Variants in CDH18 observed in about 807,000 individuals in gnomAD.
CDH18 encodes the protein cadherin 18, also known as cadherin-18.
A neutral mutation model predicts 67.9 loss-of-function variants in CDH18; 31 were observed. The observed-to-expected ratio is 0.46, with a 90% CI of 0.34 to 0.62. The LOEUF (loss-of-function observed/expected upper bound fraction) is 0.62, where lower values mean the gene tolerates loss of function less well. CDH18 is among the 20% of genes least tolerant of loss of function. The pLI is 0.01. For synonymous variants in CDH18, 362 were observed against 347.2 expected (o/e 1.04, Z -0.48); for missense variants, 890 against 975.5 (o/e 0.91, Z 1.17).
chr5:19,927,955 G>C (rs574236007), intron 2 of CDH18, among the ~76,000 whole-genome samples: 18 of 152,300 alleles, frequency 1.2e-4, no homozygotes, highest in African/African-American at 4.3e-4. Flanking sequence ...GCCTACAAGA[G>C]ATTCCATGTC....
intron 2 of CDH18, among the ~76,000 whole-genome samples, chr5:19,917,149 A>G (rs1791893427): frequency 6.6e-6 from 1 of 152,202 alleles, no homozygotes; most frequent in Non-Finnish European, 1.5e-5. Flanking sequence ...GAGAAAAGTG[A>G]TACATAGTGA....
At position 20,243,810 on chromosome 5, in the gene CDH18, T is replaced by C. The variant is rs77418068; in HGVS notation, c.-518+11634A>G. ...ATTGTAGCCTAGACTAGTGAAACTT[T>C]ATAATGGAAAGGCACTAGCTCAAGG... On this transcript the variant is annotated intron_variant, in intron 2 of 14. Coordinates refer to the CDH18 transcript ENST00000507958. Among the ~76,000 whole-genome samples, 2,915 of 152,242 alleles carry C rather than the reference T, an allele frequency of 0.019. 232 individuals carry two copies. The East Asian group carries it at 0.28, about 15-fold the overall frequency.
chr5:20,490,745 C>T (rs898972602), intron 1 of CDH18, among the ~76,000 whole-genome samples: 12 of 152,042 alleles, frequency 7.9e-5, no homozygotes, highest in African/African-American at 2.9e-4. Flanking sequence ...TTATTTTATT[C>T]TTTATGATGC....
chr5:20,107,076 A>G lies in CDH18; in HGVS notation c.-517-115062T>C, dbSNP rs527855451. On this transcript the variant is annotated intron_variant, in intron 2 of 14. Coordinates refer to the CDH18 transcript ENST00000507958. ...GTTAGAAAGCACTTAAGTTCCTTTT[A>G]TAACTTTCTTTTTTTTTTTTTTGAG... Among the ~76,000 whole-genome samples, 4 of 134,580 alleles carry G rather than the reference A, an allele frequency of 3.0e-5. No homozygotes were observed. The East Asian group carries it at 9.3e-4, about 31-fold the overall frequency. The allele number at this position is 134,580 out of a possible 152,430, so 88.3% of individuals were successfully genotyped here. A position where few individuals can be genotyped will look rare whatever the true frequency, so the allele number is the denominator to read the frequency against.
chr5:19,791,185 A>G (rs752833044), intron 3 of CDH18, among the ~76,000 whole-genome samples: 67 of 152,230 alleles, frequency 4.4e-4, no homozygotes, highest in Non-Finnish European at 8.5e-4. Flanking sequence ...TCGGCACCAG[A>G]GCACATCTAA....
At chr5:19,654,345 T>C (rs766906087) in intron 5 of CDH18, among the ~76,000 whole-genome samples, 3 of 152,206 alleles carry the variant, frequency 2.0e-5, no homozygotes, top group Non-Finnish European at 2.9e-5. Flanking sequence ...TATTTGAAAC[T>C]ACAATATGTT....
intron 2 of CDH18, among the ~76,000 whole-genome samples, chr5:19,915,352 A>G (rs1791643933): frequency 6.6e-6 from 1 of 152,102 alleles, no homozygotes; most frequent in Non-Finnish European, 1.5e-5. Context: ...TGACCCTTGG[A>G]CAAGGTGGGG....
chr5:19,888,369 T>C (rs1257483033), intron 2 of CDH18, among the ~76,000 whole-genome samples: 1 of 152,088 alleles, frequency 6.6e-6, no homozygotes, highest in Non-Finnish European at 1.5e-5. Context: ...ATTTATGTCT[T>C]CTTTGTTTTT....
chr5:19,858,908 T>C (rs1784568408), intron 2 of CDH18, among the ~76,000 whole-genome samples: 1 of 152,050 alleles, frequency 6.6e-6, no homozygotes. Flanking sequence ...AGCATACAAC[T>C]AGGGTTGCCT....
chr5:19,710,827 T>C (rs1171260732), intron 5 of CDH18, among the ~76,000 whole-genome samples: 1 of 152,136 alleles, frequency 6.6e-6, no homozygotes, highest in African/African-American at 2.4e-5. Context: ...TGAAGTCCAA[T>C]AATATGATGC....
intron 1 of CDH18, among the ~76,000 whole-genome samples, chr5:20,341,264 C>T (rs1740237152): frequency 2.0e-5 from 3 of 152,036 alleles, no homozygotes. Flanking sequence ...ATCGGGTGAG[C>T]ACCATCAAAT....
intron 2 of CDH18, among the ~76,000 whole-genome samples, chr5:20,074,014 T>C (rs1743710342): frequency 6.6e-6 from 1 of 152,112 alleles, no homozygotes; most frequent in African/African-American, 2.4e-5. Flanking sequence ...TGAATTTTTC[T>C]TTACGTAATC....
chr5:19,997,876 A>G (rs969230112), intron 2 of CDH18, among the ~76,000 whole-genome samples: 15 of 152,192 alleles, frequency 9.9e-5, no homozygotes, highest in African/African-American at 3.6e-4. Context: ...AAAGTTTCCT[A>G]GAAGAGCTAA....
chr5:19,508,639 A>G (rs1041954843), intron 10 of CDH18, among the ~76,000 whole-genome samples: 2 of 152,090 alleles, frequency 1.3e-5, no homozygotes, highest in Non-Finnish European at 2.9e-5. Context: ...CTACAAATAG[A>G]TGTATCCACT....
chr5:19,589,788 A>T (rs1744789765), intron 7 of CDH18, among the ~76,000 whole-genome samples: 1 of 151,950 alleles, frequency 6.6e-6, no homozygotes, highest in Admixed American at 6.6e-5. Flanking sequence ...CATTATTTTG[A>T]TCCCTTAAAT....
At chr5:19,570,302 C>T (rs1180579792) in intron 8 of CDH18, among the ~76,000 whole-genome samples, 1 of 152,066 alleles carries the variant, frequency 6.6e-6, no homozygotes, top group African/African-American at 2.4e-5. Flanking sequence ...TATTATTTTG[C>T]ATAGTTTACC....
At chr5:19,982,113 T>C (rs2150363428) in intron 1 of CDH18, among the ~76,000 whole-genome samples, 1 of 152,314 alleles carries the variant, frequency 6.6e-6, no homozygotes, top group South Asian at 2.1e-4. Context: ...ACAGGTAGAA[T>C]TTTAGTTATC....
At chr5:19,702,729 C>G (rs1054138845) in intron 5 of CDH18, among the ~76,000 whole-genome samples, 3 of 151,970 alleles carry the variant, frequency 2.0e-5, no homozygotes, top group Non-Finnish European at 4.4e-5. Context: ...AACAGGCTCC[C>G]AAATCTGGCC....
intron 2 of CDH18, among the ~76,000 whole-genome samples, chr5:20,020,589 G>A (rs1162070516): frequency 6.6e-6 from 1 of 152,158 alleles, no homozygotes; most frequent in Non-Finnish European, 1.5e-5. Context: ...TCAGGCCACT[G>A]CTCCAGAGGG....
Sources: allele counts gnomAD v4.1 joint callset (sites outside exome capture counted in the v4.1 genomes callset), GRCh38; gene constraint gnomAD v4.1.1; transcripts MANE v1.5; gene names NCBI Gene and HGNC (gene_info 2026-07-23, HGNC 2026-07-21).